The following VNN2 variants were observed in gnomAD, a reference collection of about 807,000 sequenced individuals.
The protein encoded by VNN2 is pantetheine hydrolase VNN2.
In VNN2, 43 loss-of-function variants were observed where a neutral mutation model predicts 43.0. The observed-to-expected ratio is 1.00, with a 90% CI of 0.78 to 1.29. VNN2 has a LOEUF of 1.29. Among genes scored for constraint, VNN2 ranks in the 50% most tolerant of loss-of-function variants. VNN2 has a pLI of 0.00. For synonymous variants in VNN2, 230 were observed against 224.3 expected, an observed-to-expected ratio of 1.03 and a Z score of -0.23; for missense variants, 652 against 619.7, an observed-to-expected ratio of 1.05 and a Z score of -0.55.
chr6:132,750,919 T>C (rs1210330702), intron 5 of VNN2, among the ~76,000 whole-genome samples: 2 of 152,162 alleles, frequency 1.3e-5, no homozygotes, highest in African/African-American at 2.4e-5. Flanking sequence ...TTAAATATGC[T>C]TAAAGCAAGC....
At chr6:132,750,489 G>GTATTTGTGTGTATGTA (rs1779988571) in intron 5 of VNN2, among the ~76,000 whole-genome samples, 1 of 96,570 alleles carries the variant, frequency 1.0e-5, no homozygotes, top group Non-Finnish European at 1.9e-5. Context: ...AAAATATTTT[G>GTATTTGTGTGTATGTA]TATATGTGTA....
intron 2 of VNN2, 149 bp downstream of exon 2, chr6:132,757,267 C>T: frequency 9.8e-7 from 1 of 1,022,082 alleles, no homozygotes; most frequent in Admixed American, 3.5e-5. Flanking sequence ...TATCTAAGTA[C>T]AATTTTTTAA....
upstream of VNN2, chr6:132,758,039 C>CTTCTTCTTCTTCTTCT (rs1488070973): frequency 3.6e-4 from 59 of 165,018 alleles, no homozygotes; most frequent in African/African-American, 4.7e-4. Flanking sequence ...TCTTCTTCTT[C>CTTCTTCTTCTTCTTCT]TTTTTTTTTT....
chr6:132,756,560 C>A (rs532571975), intron 2 of VNN2, among the ~76,000 whole-genome samples: 14 of 152,184 alleles, frequency 9.2e-5, no homozygotes, highest in Non-Finnish European at 2.1e-4. Flanking sequence ...CTTAACTTTT[C>A]AACAGCAGTT....
At chr6:132,757,997 A>T (rs3901670), upstream of VNN2, 251,758 of 415,472 alleles carry the variant, frequency 0.61, 76,395 homozygotes, top group African/African-American at 0.88. Flanking sequence ...CTTTATCATC[A>T]TTTTTCTTCT....
upstream of VNN2, chr6:132,760,837 T>C (rs1780722257): frequency 2.6e-5 from 4 of 152,190 alleles, no homozygotes; most frequent in Admixed American, 2.6e-4. Context: ...GATCAGAGTT[T>C]TGGATTTTTT....
chr6:132,748,841 G>C lies in VNN2; in HGVS notation c.1371+854C>G, dbSNP rs143928893. Among the ~76,000 whole-genome samples, 224 of 152,284 alleles carry C rather than the reference G, an allele frequency of 1.5e-3. 1 individual carries two copies. The highest frequency in any genetic ancestry group is 4.8e-3 in the African/African-American group (199 of 41,560). On this transcript the variant is annotated intron_variant, in intron 6 of 6. Coordinates refer to ENST00000326499, the MANE Select transcript of VNN2 (RefSeq NM_004665.6). ...AGCTACTCAGGAGGCTGAGGCAGGA[G>C]GATTGCTTGAGCCCAGGAGTTTGAG... is the stretch of plus-strand genomic sequence containing the variant.
At chr6:132,746,895 A>G (rs1779749787) in intron 6 of VNN2, among the ~76,000 whole-genome samples, 1 of 149,926 alleles carries the variant, frequency 6.7e-6, no homozygotes, top group Non-Finnish European at 1.5e-5. Context: ...AGTGAAAGTC[A>G]TGCCACAGAG....
intron 3 of VNN2, chr6:132,753,635 G>T (rs1185519177): frequency 8.3e-5 from 24 of 290,038 alleles, no homozygotes; most frequent in Non-Finnish European, 2.1e-5. Context: ...AAATAGAAAA[G>T]AAATTGGGCT....
At chr6:132,759,951 T>C (rs903378352), upstream of VNN2, among the ~76,000 whole-genome samples, 1 of 152,304 alleles carries the variant, frequency 6.6e-6, no homozygotes, top group Middle Eastern at 3.4e-3. Context: ...ATATAATAGA[T>C]TATGAGTGCT....
At chr6:132,759,428 A>G (rs1582842512), upstream of VNN2, among the ~76,000 whole-genome samples, 1 of 136,548 alleles carries the variant, frequency 7.3e-6, no homozygotes, top group Admixed American at 7.3e-5. Context: ...GACAGAGCGA[A>G]ACTCCGTCTC....
chr6:132,761,204 G>A (rs182377505), upstream of VNN2, among the ~76,000 whole-genome samples: 364 of 152,224 alleles, frequency 2.4e-3, 5 homozygotes, highest in Middle Eastern at 6.8e-3. Flanking sequence ...ATAAAATAAA[G>A]TAAGGTTATT....
upstream of VNN2, among the ~76,000 whole-genome samples, chr6:132,759,308 G>A (rs897175412): frequency 6.6e-5 from 10 of 151,618 alleles, no homozygotes; most frequent in Non-Finnish European, 5.9e-5. Flanking sequence ...TCGTGGTGGT[G>A]GGCGCCTGTA....
At position 132,744,166 on chromosome 6, in the gene VNN2, A is replaced by G. The variant is rs1779581982; in HGVS notation, c.*134T>C. 3 of 685,228 alleles carry G rather than the reference A, an allele frequency of 4.4e-6. No individual in the cohort carries two copies. The highest frequency in any genetic ancestry group is 4.5e-6 in the Non-Finnish European group (2 of 449,080). 42.4% of individuals were successfully genotyped at this position (685,228 alleles called of 1,614,324 possible). The stretch of plus-strand genomic sequence containing the variant: ...CATAATACTTAAAAAATAATTATTG[A>G]TGAGAAAAAATATTTAGGACTCACT... On this transcript the variant is annotated 3_prime_UTR_variant, in exon 7 of 7. Transcript: ENST00000326499.
At chr6:132,755,102 T>G (rs182038440) in intron 3 of VNN2, among the ~76,000 whole-genome samples, 3 of 152,268 alleles carry the variant, frequency 2.0e-5, no homozygotes, top group Admixed American at 6.5e-5. Flanking sequence ...CCCAGGAGTT[T>G]GAGGTTAACA....
In VNN2 at chr6:132,755,925, G is replaced by A. The variant is rs200928181; in HGVS notation, c.455C>T (p.Thr152Ile). The change falls in exon 3 of 7, where the codon ACA becomes ATA. Residue 152 changes from threonine to isoleucine, a missense_variant. Thr to Ile is a moderately conservative substitution (Grantham distance 89). Transcript: ENST00000326499. ...DKKPCNSRDS[T>I]CPPNGYFQYN... ...TTGAAAGTAGCCATTAGGAGGACAT[G>A]TGGAGTCACGGGAATTACATGGCTT... 2.1e-5 allele frequency: 34 copies of A among 1,613,922 alleles called. No individual in the cohort carries two copies. Among genetic ancestry groups the A allele is most frequent in the Admixed American group, 5.0e-5 (3 of 59,994 alleles).
chr6:132,748,686 A>C (rs1027980562), intron 6 of VNN2, among the ~76,000 whole-genome samples: 7 of 152,262 alleles, frequency 4.6e-5, no homozygotes, highest in Non-Finnish European at 7.3e-5. Flanking sequence ...CAAGTGTTGT[A>C]TATTAGCAGA....
intron 6 of VNN2, among the ~76,000 whole-genome samples, chr6:132,749,459 A>C (rs1000216262): frequency 6.6e-6 from 1 of 152,196 alleles, no homozygotes; most frequent in East Asian, 1.9e-4. Flanking sequence ...TAATCAACCC[A>C]CTAGCCAATG....
intron 5 of VNN2, among the ~76,000 whole-genome samples, chr6:132,750,092 A>T (rs1779968276): frequency 6.6e-6 from 1 of 152,166 alleles, no homozygotes; most frequent in Non-Finnish European, 1.5e-5. Flanking sequence ...GTCAGTTTAG[A>T]ATTAGAGTTA....
Sources: allele counts gnomAD v4.1 joint callset (sites outside exome capture counted in the v4.1 genomes callset), GRCh38; gene constraint gnomAD v4.1.1; transcripts MANE v1.5; gene names NCBI Gene and HGNC (gene_info 2026-07-23, HGNC 2026-07-21).